Variants in TAF2 observed in about 807,000 individuals in gnomAD.
TAF2 encodes TATA-box binding protein associated factor 2, also known as transcription initiation factor TFIID subunit 2.
In TAF2, 61 loss-of-function variants were observed where a neutral mutation model predicts 138.5. That is an observed-to-expected ratio of 0.44 (90% CI 0.36 to 0.54). TAF2 has a LOEUF of 0.54. Among genes scored for constraint, TAF2 ranks in the 20% least tolerant of loss-of-function variants. The pLI is 0.00. For missense variants in TAF2, 1,090 were observed against 1,427.9 expected (o/e 0.76, Z 3.81); for synonymous variants, 475 against 469.9 (o/e 1.01, Z -0.14).
At chr8:119,743,315 T>G (rs1187199470) in intron 24 of TAF2, among the ~76,000 whole-genome samples, 6 of 149,978 alleles carry the variant, frequency 4.0e-5, no homozygotes, top group African/African-American at 1.5e-4. Context: ...CAACTAAATA[T>G]ACAGGATCAC....
At chr8:119,758,790 C>G (rs1820867961) in intron 20 of TAF2, among the ~76,000 whole-genome samples, 1 of 152,020 alleles carries the variant, frequency 6.6e-6, no homozygotes, top group South Asian at 2.1e-4. Flanking sequence ...AACTTGAGTA[C>G]CAGTATTTAA....
intron 25 of TAF2, among the ~76,000 whole-genome samples, chr8:119,738,472 T>A (rs1819380881): frequency 1.3e-5 from 2 of 152,230 alleles, no homozygotes; most frequent in Admixed American, 1.3e-4. Context: ...AAAGTCCTTT[T>A]AGTAAACTGA....
chr8:119,789,600 C>T lies in TAF2; in HGVS notation c.1560G>A (p.Lys520=), dbSNP rs1209354079. 2 of 1,613,550 alleles carry T rather than the reference C, an allele frequency of 1.2e-6. No homozygotes were observed. Among genetic ancestry groups the T allele is most frequent in the Admixed American group, 1.7e-5 (1 of 59,996 alleles). ...VSGKDIQPLI[K]QWVDQSGVVK... is the part of the protein sequence containing the mutation. ...GCTATTGAAAAGGATACACCCACTG[C>T]TTTATTAACGGCTGAATATCTTTGC... is the stretch of plus-strand genomic sequence containing the variant. Residue 520 remains lysine, a synonymous_variant, in exon 12 of 26, where the codon AAG becomes AAA. Transcript: ENST00000378164.
chr8:119,757,949 A>ATAC, intron 21 of TAF2, 124 bp downstream of exon 21: 1 of 844,304 alleles, frequency 1.2e-6, no homozygotes, highest in Non-Finnish European at 2.0e-6. Flanking sequence ...AAGGACATGA[A>ATAC]TAAATGCAAA....
At chr8:119,807,099 GACAAAAATTAAGATGTTTA>G (rs1388397669) in intron 3 of TAF2, among the ~76,000 whole-genome samples, 3 of 152,106 alleles carry the variant, frequency 2.0e-5, no homozygotes, top group African/African-American at 4.8e-5. Context: ...TTTATAATTT[GACAAAAATTAAGATGTTTA>G]AAACAAATCA....
intron 18 of TAF2, among the ~76,000 whole-genome samples, chr8:119,775,709 G>T (rs1822181199): frequency 6.6e-6 from 1 of 151,382 alleles, no homozygotes. Context: ...TCTCAAAAAA[G>T]AATAATAAAT....
In TAF2 at chr8:119,801,775, G is replaced by A. The variant is rs1463023275; in HGVS notation, c.792+19C>T. ...GTAAAGGGCCAGGAGGAGAGTAAGA[G>A]AGGAAAGCTCTGACTTACCTCATGC... On this transcript the variant is annotated intron_variant, in intron 6 of 25. Coordinates refer to ENST00000378164, the MANE Select transcript of TAF2 (RefSeq NM_003184.4). The A allele has an allele frequency of 6.2e-7, 1 of 1,602,774 alleles. No individual in the cohort carries two copies. The highest frequency in any genetic ancestry group is 8.5e-7 in the Non-Finnish European group (1 of 1,169,722).
intron 3 of TAF2, among the ~76,000 whole-genome samples, chr8:119,811,805 CAAAAAAAAAAA>C (rs771523182): frequency 3.3e-5 from 2 of 60,350 alleles, no homozygotes; most frequent in Non-Finnish European, 6.5e-5. Flanking sequence ...GACTCCGTCT[CAAAAAAAAAAA>C]AAAAAAAAAA....
intron 3 of TAF2, among the ~76,000 whole-genome samples, chr8:119,812,749 GTGTA>G (rs80052166): frequency 0.14 from 15,098 of 109,712 alleles, 787 homozygotes; most frequent in Middle Eastern, 0.33. Context: ...GTGTGTGTGT[GTGTA>G]TATATGTGTG....
At position 119,760,177 on chromosome 8, in the gene TAF2, G is replaced by A. The variant is rs753081397; in HGVS notation, c.2698+422C>T. Among the ~76,000 whole-genome samples, 26 of 151,390 alleles carry A rather than the reference G, an allele frequency of 1.7e-4. No individual in the cohort carries two copies. In the South Asian group the frequency reaches 3.5e-3, roughly 21 times the overall value. On this transcript the variant is annotated intron_variant, in intron 20 of 25. Coordinates refer to ENST00000378164, the MANE Select transcript of TAF2 (RefSeq NM_003184.4). ...TATTCTTCCCTTAGCGACTTTTTTGGCCTTATGTTTTTTCTATATTCATGA... is the reference window on the plus strand; with the variant it reads ...TATTCTTCCCTTAGCGACTTTTTTGACCTTATGTTTTTTCTATATTCATGA...
At chr8:119,772,765 C>T (rs1380399993) in intron 18 of TAF2, among the ~76,000 whole-genome samples, 4 of 151,646 alleles carry the variant, frequency 2.6e-5, no homozygotes, top group Non-Finnish European at 5.9e-5. Context: ...GGTGAAACCC[C>T]GTCTCTACTA....
intron 16 of TAF2, among the ~76,000 whole-genome samples, chr8:119,782,813 A>G (rs893179308): frequency 6.6e-6 from 1 of 152,200 alleles, no homozygotes; most frequent in Non-Finnish European, 1.5e-5. Flanking sequence ...AATCAACGTG[A>G]ATAATTATTA....
intron 5 of TAF2, among the ~76,000 whole-genome samples, chr8:119,802,454 G>A (rs1824330704): frequency 6.6e-6 from 1 of 152,190 alleles, no homozygotes; most frequent in African/African-American, 2.4e-5. Flanking sequence ...TTTGGAGTAT[G>A]TAACGTATTG....
chr8:119,745,527 T>C (rs1462404429), intron 23 of TAF2, among the ~76,000 whole-genome samples: 1 of 152,150 alleles, frequency 6.6e-6, no homozygotes, highest in African/African-American at 2.4e-5. Context: ...TAAAATGAAC[T>C]ATTACTAACT....
Position 119,786,269 on chromosome 8 carries a change from T to C in TAF2, c.1794-1003A>G, listed in dbSNP as rs1823003994. The stretch of plus-strand genomic sequence containing the variant: ...AGAATGTTCTGAAGGGGCATGCTGA[T>C]ATAGAGAAAAAAGAAAAAAAGACAT... On this transcript the variant is annotated intron_variant, in intron 14 of 25. Coordinates refer to ENST00000378164, the MANE Select transcript of TAF2 (RefSeq NM_003184.4). 2.0e-5 allele frequency among the ~76,000 whole-genome samples: 3 copies of C among 152,288 alleles called. 1 individual carries two copies. The South Asian group carries it at 6.2e-4, about 32-fold the overall frequency.
intron 3 of TAF2, among the ~76,000 whole-genome samples, chr8:119,809,056 A>T (rs1267031039): frequency 6.6e-6 from 1 of 152,242 alleles, no homozygotes; most frequent in Non-Finnish European, 1.5e-5. Context: ...ACTTCTTTTT[A>T]GCTGGGAAAG....
intron 15 of TAF2, 125 bp downstream of exon 15, chr8:119,785,076 T>C (rs1324843982): frequency 1.4e-6 from 1 of 716,770 alleles, no homozygotes; most frequent in Non-Finnish European, 2.3e-6. Flanking sequence ...GGGTTTCTAT[T>C]AAATTAAAAT....
At chr8:119,751,046 G>A (rs1393852840) in intron 22 of TAF2, among the ~76,000 whole-genome samples, 1 of 151,988 alleles carries the variant, frequency 6.6e-6, no homozygotes, top group Non-Finnish European at 1.5e-5. Flanking sequence ...ACAAGCAAAA[G>A]TATTTAAGTC....
intron 2 of TAF2, among the ~76,000 whole-genome samples, chr8:119,824,749 G>A (rs532215675): frequency 1.1e-4 from 16 of 152,342 alleles, no homozygotes; most frequent in African/African-American, 3.8e-4. Context: ...GTTTCAGATG[G>A]TACAAGCCTC....
Sources: allele counts gnomAD v4.1 joint callset (sites outside exome capture counted in the v4.1 genomes callset), GRCh38; gene constraint gnomAD v4.1.1; transcripts MANE v1.5; gene names NCBI Gene and HGNC (gene_info 2026-07-23, HGNC 2026-07-21).